Variants in ITSN1 observed in about 807,000 individuals in gnomAD.
The protein encoded by ITSN1 is intersectin-1.
ITSN1 carries 58 observed loss-of-function variants against 239.8 expected under a neutral mutation model. That is an observed-to-expected ratio of 0.24 (90% CI 0.20 to 0.30). The LOEUF (loss-of-function observed/expected upper bound fraction) is 0.30, where lower values mean the gene tolerates loss of function less well. ITSN1 is among the 10% of genes least tolerant of loss of function. The pLI is 1.00. For missense variants in ITSN1, 1,558 were observed against 2,103.3 expected, an observed-to-expected ratio of 0.74 and a Z score of 5.07; for synonymous variants, 780 against 770.8, an observed-to-expected ratio of 1.01 and a Z score of -0.20.
intron 20 of ITSN1, 107 bp downstream of exon 20, chr21:33,802,551 C>A: frequency 8.7e-7 from 1 of 1,155,048 alleles, no homozygotes; most frequent in Non-Finnish European, 1.3e-6. Context: ...GTTGTTGCGG[C>A]AGTAAAAATG....
intron 5 of ITSN1, chr21:33,735,458 C>T (rs911760242): frequency 2.2e-6 from 1 of 450,392 alleles, no homozygotes; most frequent in South Asian, 2.8e-5. Flanking sequence ...AAGAAACTTA[C>T]AGTCCGCTGC....
intron 26 of ITSN1, chr21:33,829,271 A>AC (rs1226958590): frequency 2.9e-6 from 1 of 341,136 alleles, no homozygotes; most frequent in East Asian, 7.5e-5. Flanking sequence ...ATGAGGCCCC[A>AC]CCCTTGGCCT....
chr21:33,693,846 C>T (rs980862937), intron 1 of ITSN1, among the ~76,000 whole-genome samples: 8 of 152,102 alleles, frequency 5.3e-5, no homozygotes, highest in African/African-American at 7.2e-5. Context: ...ACAATGTGTA[C>T]GAAAGGAGTA....
At chr21:33,795,906 C>G (rs1253481840) in intron 17 of ITSN1, among the ~76,000 whole-genome samples, 1 of 149,166 alleles carries the variant, frequency 6.7e-6, no homozygotes, top group Non-Finnish European at 1.5e-5. Context: ...GATGGTTATA[C>G]AGTATATATG....
intron 33 of ITSN1, among the ~76,000 whole-genome samples, chr21:33,874,387 C>T (rs1983318749): frequency 6.6e-6 from 1 of 152,098 alleles, no homozygotes; most frequent in African/African-American, 2.4e-5. Context: ...GCAGCCACCG[C>T]TCCTCTTATG....
At chr21:33,880,938 G>A (rs1475877002) in intron 34 of ITSN1, among the ~76,000 whole-genome samples, 2 of 151,568 alleles carry the variant, frequency 1.3e-5, no homozygotes, top group Non-Finnish European at 2.9e-5. Context: ...AGAACCTAGT[G>A]GAGGTGATGG....
intron 25 of ITSN1, among the ~76,000 whole-genome samples, chr21:33,825,089 CT>C (rs1012996159): frequency 2.0e-5 from 3 of 152,138 alleles, no homozygotes; most frequent in African/African-American, 7.2e-5. Context: ...GTGACTTTAC[CT>C]TTTGGATCAG....
chr21:33,796,192 A>G (rs891881188), intron 17 of ITSN1, among the ~76,000 whole-genome samples: 3 of 151,990 alleles, frequency 2.0e-5, no homozygotes, highest in Non-Finnish European at 4.4e-5. Flanking sequence ...TGGCTGGTCT[A>G]GAACTCCTGA....
At position 33,782,106 on chromosome 21, in the gene ITSN1, G is replaced by A; in HGVS notation, c.1797G>A (p.Glu599=). 1 of 1,613,722 alleles carries A rather than the reference G, an allele frequency of 6.2e-7. No individual in the cohort carries two copies. Among genetic ancestry groups the A allele is most frequent in the South Asian group, 1.1e-5 (1 of 91,034 alleles). ...AAGAAACTAGATCAAAACTACAGGA[G>A]ATTGATATTTTCAATAATCAGCTGA... is the stretch of plus-strand genomic sequence containing the variant. The part of the protein sequence containing the change: ...VEKETRSKLQ[E]IDIFNNQLKE... Residue 599 remains glutamate, a synonymous_variant, in exon 16 of 40, where the codon GAG becomes GAA. Transcript: ENST00000381318.
intron 20 of ITSN1, among the ~76,000 whole-genome samples, chr21:33,809,438 T>C (rs2072727199): frequency 6.6e-6 from 1 of 152,234 alleles, no homozygotes; most frequent in Admixed American, 6.5e-5. Flanking sequence ...TTCTGTTTTC[T>C]CCACCTCTAC....
At chr21:33,679,737 T>TCTGTCACACAGGCTGGAGTGCAGTGAG (rs1485397046) in intron 1 of ITSN1, among the ~76,000 whole-genome samples, 194 of 122,972 alleles carry the variant, frequency 1.6e-3, no homozygotes, top group Non-Finnish European at 2.4e-3. Context: ...GGAGTCTCGC[T>TCTGTCACACAGGCTGGAGTGCAGTGAG]CTGTCACACA....
intron 1 of ITSN1, among the ~76,000 whole-genome samples, chr21:33,714,830 C>G (rs960629934): frequency 6.6e-6 from 1 of 151,886 alleles, no homozygotes; most frequent in Non-Finnish European, 1.5e-5. Context: ...AAACAAAAAG[C>G]TTAAAGAAAA....
chr21:33,717,750 G>A (rs1164807070), intron 1 of ITSN1, among the ~76,000 whole-genome samples: 2 of 151,896 alleles, frequency 1.3e-5, no homozygotes, highest in Non-Finnish European at 2.9e-5. Context: ...TGTGTTTCCA[G>A]TAGAGATGGG....
intron 28 of ITSN1, among the ~76,000 whole-genome samples, chr21:33,835,269 G>A (rs2074537284): frequency 6.6e-6 from 1 of 152,180 alleles, no homozygotes; most frequent in South Asian, 2.1e-4. Flanking sequence ...CTGTGGCCTT[G>A]TGTAGGCTGA....
At chr21:33,835,999 T>C (rs1327616891) in intron 28 of ITSN1, among the ~76,000 whole-genome samples, 1 of 152,102 alleles carries the variant, frequency 6.6e-6, no homozygotes, top group Admixed American at 6.5e-5. Context: ...TTCTTGGAGG[T>C]CAAATGATGA....
intron 1 of ITSN1, among the ~76,000 whole-genome samples, chr21:33,666,908 C>A (rs865794989): frequency 6.6e-6 from 1 of 152,178 alleles, no homozygotes; most frequent in Non-Finnish European, 1.5e-5. Context: ...ACAAGTGATC[C>A]TCCTGCCTCT....
intron 1 of ITSN1, among the ~76,000 whole-genome samples, chr21:33,684,943 C>A (rs1313199332): frequency 6.6e-6 from 1 of 152,142 alleles, no homozygotes; most frequent in Non-Finnish European, 1.5e-5. Flanking sequence ...GCTTTCTTTT[C>A]TTTCTGTCTA....
At chr21:33,735,779 G>A (rs1302333016) in intron 5 of ITSN1, among the ~76,000 whole-genome samples, 1 of 152,052 alleles carries the variant, frequency 6.6e-6, no homozygotes, top group Non-Finnish European at 1.5e-5. Flanking sequence ...GAGGCAGGTG[G>A]ATCACCTGAG....
chr21:33,668,752 C>T (rs2090079471), intron 1 of ITSN1, among the ~76,000 whole-genome samples: 1 of 152,180 alleles, frequency 6.6e-6, no homozygotes, highest in African/African-American at 2.4e-5. Flanking sequence ...TGCATGGCAG[C>T]CCCAAACCTT....
Sources: gnomAD v4.1 joint callset for allele counts (sites outside exome capture counted in the v4.1 genomes callset) on GRCh38, gnomAD v4.1.1 for gene constraint, MANE v1.5 for transcripts, NCBI Gene and HGNC (gene_info 2026-07-23, HGNC 2026-07-21) for gene names.